Variants in MAST4 observed in about 807,000 individuals in gnomAD.
MAST4 encodes the protein microtubule-associated serine/threonine-protein kinase 4.
Under a neutral mutation model 162.7 loss-of-function variants are expected in MAST4, and 89 were observed. The observed-to-expected ratio is 0.55, with a 90% CI of 0.46 to 0.65. The LOEUF is 0.65. MAST4 is among the 30% of genes least tolerant of loss of function. The pLI is 0.00. For missense variants in MAST4, 3,153 were observed against 3,374.0 expected (o/e 0.93, Z 1.62); for synonymous variants, 1,479 against 1,361.1 (o/e 1.09, Z -1.91).
At chr5:67,023,634 A>G (rs999352888) in intron 4 of MAST4, among the ~76,000 whole-genome samples, 1 of 152,130 alleles carries the variant, frequency 6.6e-6, no homozygotes, top group African/African-American at 2.4e-5. Flanking sequence ...ATGGTGGAGG[A>G]CTAAGAACAG....
In MAST4 at chr5:66,635,946, G is replaced by GTTTTTTTTTTTTTT. The variant is rs530576186; in HGVS notation, c.363+38944_363+38957dup. On this transcript the variant is annotated intron_variant, in intron 1 of 28. Coordinates refer to ENST00000403625, the MANE Select transcript of MAST4 (RefSeq NM_001164664.2). ...AAAATCACTGCATAAGATAGAGACT[G>GTTTTTTTTTTTTTT]TTTTTTTTTTTTTTTTTTTTTTTTT... is the stretch of plus-strand genomic sequence containing the variant. 2.7e-4 allele frequency among the ~76,000 whole-genome samples: 11 copies of GTTTTTTTTTTTTTT among 41,278 alleles called. 4 individuals are homozygous for GTTTTTTTTTTTTTT. Among genetic ancestry groups the GTTTTTTTTTTTTTT allele is most frequent in the African/African-American group, 9.0e-4 (11 of 12,262 alleles). 27.1% of individuals were successfully genotyped at this position (41,278 alleles called of 152,430 possible).
chr5:66,678,420 TCACA>T (rs1023934895), intron 1 of MAST4, among the ~76,000 whole-genome samples: 4 of 152,130 alleles, frequency 2.6e-5, no homozygotes, highest in South Asian at 2.1e-4. Context: ...AAGTAGATCC[TCACA>T]CACACAAGTG....
chr5:66,745,946 A>C (rs1269736008), intron 1 of MAST4, among the ~76,000 whole-genome samples: 1 of 152,196 alleles, frequency 6.6e-6, no homozygotes, highest in Non-Finnish European at 1.5e-5. Context: ...AACAGTGATG[A>C]ATACTGCGGG....
chr5:66,921,573 A>G (rs6873100), intron 4 of MAST4, among the ~76,000 whole-genome samples: 20,550 of 152,132 alleles, frequency 0.14, 1,700 homozygotes, highest in African/African-American at 0.22. Flanking sequence ...CCTGGCCAAC[A>G]TGGTGAAACC....
At chr5:66,954,465 T>A (rs1214930449) in intron 4 of MAST4, among the ~76,000 whole-genome samples, 2 of 152,204 alleles carry the variant, frequency 1.3e-5, no homozygotes, top group Non-Finnish European at 2.9e-5. Flanking sequence ...CACATATTTA[T>A]TGAATATTTA....
intron 3 of MAST4, among the ~76,000 whole-genome samples, chr5:66,808,320 C>A (rs1756306381): frequency 6.6e-6 from 1 of 152,220 alleles, no homozygotes; most frequent in Non-Finnish European, 1.5e-5. Flanking sequence ...TTCTTGTAGG[C>A]ATGCCCTGTG....
Position 66,931,907 on chromosome 5 carries a change from C to T in MAST4, c.674+31925C>T, listed in dbSNP as rs745926682. Among the ~76,000 whole-genome samples, 4 of 152,066 alleles carry T rather than the reference C, an allele frequency of 2.6e-5. No individual in the cohort carries two copies. In the East Asian group the frequency reaches 5.8e-4, roughly 22 times the overall value. On this transcript the variant is annotated intron_variant, in intron 4 of 28. Transcript: ENST00000403625. ...AAGCTTTAAAAGTACATGGAAGGAG[C>T]CCTGAAACCACGTTATCTTCAGGGA...
intron 3 of MAST4, among the ~76,000 whole-genome samples, chr5:66,810,432 G>C (rs886651084): frequency 6.6e-6 from 1 of 152,186 alleles, no homozygotes; most frequent in Admixed American, 6.5e-5. Context: ...TGGGATATGG[G>C]AGAAGGAGTG....
intron 4 of MAST4, among the ~76,000 whole-genome samples, chr5:66,920,856 A>T (rs1764487115): frequency 6.6e-6 from 1 of 152,168 alleles, no homozygotes; most frequent in Non-Finnish European, 1.5e-5. Context: ...TGGAAGATAG[A>T]GTCATTAGAA....
In MAST4 at chr5:66,673,233, C is replaced by T. The variant is rs1747719266; in HGVS notation, c.363+76215C>T. Among the ~76,000 whole-genome samples the T allele has an allele frequency of 2.6e-5, 4 of 152,056 alleles. No homozygotes were observed. In the East Asian group the frequency reaches 7.7e-4, roughly 29 times the overall value. On this transcript the variant is annotated intron_variant, in intron 1 of 28. Transcript: ENST00000403625. ...CATTTAAATTATCTGCTTACACTTT[C>T]TCAGCTGCTTATAAATTAACTTTGT...
intron 3 of MAST4, among the ~76,000 whole-genome samples, chr5:66,857,491 C>G (rs527331956): frequency 6.6e-6 from 1 of 152,316 alleles, no homozygotes; most frequent in East Asian, 1.9e-4. Flanking sequence ...GTAAACTTGT[C>G]AGAGTTCTGA....
At chr5:66,947,939 T>C (rs754213525) in intron 4 of MAST4, among the ~76,000 whole-genome samples, 1 of 152,172 alleles carries the variant, frequency 6.6e-6, no homozygotes, top group South Asian at 2.1e-4. Flanking sequence ...GCCTGGAGAC[T>C]TTTTAAAAAA....
At chr5:66,728,654 A>G (rs149604790) in intron 1 of MAST4, among the ~76,000 whole-genome samples, 1 of 152,348 alleles carries the variant, frequency 6.6e-6, no homozygotes, top group East Asian at 1.9e-4. Flanking sequence ...TCAAATCATT[A>G]GTAAAAGTCT....
At chr5:67,056,366 G>A (rs2150568652) in intron 5 of MAST4, among the ~76,000 whole-genome samples, 1 of 152,304 alleles carries the variant, frequency 6.6e-6, no homozygotes, top group East Asian at 1.9e-4. Context: ...ACTCAGCACA[G>A]TGCGCAGCAG....
At chr5:67,116,806 A>C (rs1766977089) in intron 12 of MAST4, among the ~76,000 whole-genome samples, 1 of 151,960 alleles carries the variant, frequency 6.6e-6, no homozygotes, top group Admixed American at 6.5e-5. Context: ...ACAGAACAAG[A>C]CTCCATCTCA....
At chr5:67,026,587 A>G (rs1359712038) in intron 4 of MAST4, among the ~76,000 whole-genome samples, 1 of 152,210 alleles carries the variant, frequency 6.6e-6, no homozygotes, top group Non-Finnish European at 1.5e-5. Context: ...AGCTTGAAGC[A>G]TAGACTGTAA....
At chr5:66,830,594 C>G (rs72761259) in intron 3 of MAST4, among the ~76,000 whole-genome samples, 2 of 152,222 alleles carry the variant, frequency 1.3e-5, no homozygotes, top group African/African-American at 2.4e-5. Flanking sequence ...TGAAAAATAA[C>G]AACATAAAAG....
intron 4 of MAST4, among the ~76,000 whole-genome samples, chr5:66,971,616 CTACTT>C (rs1173622582): frequency 1.3e-5 from 2 of 152,158 alleles, no homozygotes; most frequent in Non-Finnish European, 2.9e-5. Flanking sequence ...CATATTGTGA[CTACTT>C]TACTTAAGTA....
intron 4 of MAST4, among the ~76,000 whole-genome samples, chr5:66,973,371 A>G (rs961226558): frequency 4.6e-5 from 7 of 151,970 alleles, no homozygotes; most frequent in Non-Finnish European, 8.8e-5. Flanking sequence ...GTCTCCTTCA[A>G]TTGAGAAAGT....
Sources: gnomAD v4.1 joint callset for allele counts (sites outside exome capture counted in the v4.1 genomes callset) on GRCh38, gnomAD v4.1.1 for gene constraint, MANE v1.5 for transcripts, NCBI Gene and HGNC (gene_info 2026-07-23, HGNC 2026-07-21) for gene names.